Variants in ASIC2 observed in about 807,000 individuals in gnomAD.
ASIC2 encodes the protein acid sensing ion channel subunit 2.
A neutral mutation model predicts 57.3 loss-of-function variants in ASIC2; 25 were observed. That is an observed-to-expected ratio of 0.44 (90% confidence interval 0.32 to 0.61). The LOEUF is 0.61. Among genes scored for constraint, ASIC2 ranks in the 20% least tolerant of loss-of-function variants. The pLI, the probability that ASIC2 is intolerant of heterozygous loss-of-function variation, is 0.06. For synonymous variants in ASIC2, 319 were observed against 307.5 expected (o/e 1.04, Z -0.39); for missense variants, 641 against 738.1 (o/e 0.87, Z 1.52).
intron 1 of ASIC2, among the ~76,000 whole-genome samples, chr17:34,147,607 T>G (rs568238056): frequency 1.3e-5 from 2 of 152,188 alleles, no homozygotes; most frequent in African/African-American, 2.4e-5. Flanking sequence ...AAGCCCAGTC[T>G]GTATGGTTTT....
At chr17:33,094,004 G>A (rs940990902) in intron 2 of ASIC2, among the ~76,000 whole-genome samples, 1 of 152,164 alleles carries the variant, frequency 6.6e-6, no homozygotes, top group Non-Finnish European at 1.5e-5. Context: ...TAGCTTCAGA[G>A]GAGAGGGTGG....
intron 1 of ASIC2, among the ~76,000 whole-genome samples, chr17:33,970,310 C>T (rs554008045): frequency 2.0e-5 from 3 of 152,252 alleles, no homozygotes; most frequent in South Asian, 2.1e-4. Flanking sequence ...ATTCTCGAAG[C>T]CCAGGCAGCA....
intron 1 of ASIC2, among the ~76,000 whole-genome samples, chr17:33,174,491 T>C (rs1905660231): frequency 6.6e-6 from 1 of 152,066 alleles, no homozygotes; most frequent in African/African-American, 2.4e-5. Context: ...TCACTTACTC[T>C]GTGAGAGATG....
chr17:33,935,920 T>G (rs764298160), intron 1 of ASIC2: 1 of 152,196 alleles, frequency 6.6e-6, no homozygotes, highest in Non-Finnish European at 1.5e-5. Context: ...AAGCTCTGTC[T>G]CTAGGGAGGT....
At chr17:34,123,325 C>T (rs1041659517) in intron 1 of ASIC2, among the ~76,000 whole-genome samples, 6 of 152,172 alleles carry the variant, frequency 3.9e-5, no homozygotes, top group African/African-American at 1.4e-4. Flanking sequence ...CCACAGGAAC[C>T]CGCCCAACCC....
At chr17:33,654,014 G>C (rs1039521404) in intron 1 of ASIC2, among the ~76,000 whole-genome samples, 1 of 152,272 alleles carries the variant, frequency 6.6e-6, no homozygotes, top group Admixed American at 6.5e-5. Context: ...GCTGATCTCA[G>C]GTCCATCAAA....
At chr17:33,328,585 C>G (rs1217224492) in intron 1 of ASIC2, among the ~76,000 whole-genome samples, 2 of 152,180 alleles carry the variant, frequency 1.3e-5, no homozygotes, top group African/African-American at 4.8e-5. Context: ...ACAACCTCTT[C>G]AGGGGGTACA....
At chr17:33,196,987 G>T (rs1460216952) in intron 1 of ASIC2, among the ~76,000 whole-genome samples, 1 of 152,228 alleles carries the variant, frequency 6.6e-6, no homozygotes, top group Non-Finnish European at 1.5e-5. Flanking sequence ...ATGGGACAGG[G>T]AGAGGAAAGG....
chr17:33,875,976 C>T (rs374183), intron 1 of ASIC2, among the ~76,000 whole-genome samples: 41,496 of 151,866 alleles, frequency 0.27, 5,878 homozygotes, highest in Middle Eastern at 0.36. Flanking sequence ...AATTGTGCTA[C>T]TTTAAAAGAA....
chr17:33,578,879 G>A (rs943354736), intron 1 of ASIC2, among the ~76,000 whole-genome samples: 3 of 152,174 alleles, frequency 2.0e-5, no homozygotes, highest in East Asian at 1.9e-4. Context: ...AACAGTGACC[G>A]TGGTAAAACC....
chr17:33,786,563 C>A (rs1482112878), intron 1 of ASIC2, among the ~76,000 whole-genome samples: 1 of 152,166 alleles, frequency 6.6e-6, no homozygotes, highest in African/African-American at 2.4e-5. Flanking sequence ...TAAAGAATGG[C>A]TTTTTAAATT....
intron 1 of ASIC2, among the ~76,000 whole-genome samples, chr17:33,316,697 T>G (rs1273349120): frequency 1.3e-5 from 2 of 152,236 alleles, no homozygotes; most frequent in African/African-American, 4.8e-5. Flanking sequence ...GATAAAATTT[T>G]GAGGGCAAAG....
Position 33,909,269 on chromosome 17 carries a change from G to A in ASIC2, c.555+246709C>T, listed in dbSNP as rs371447685. 1.1e-4 allele frequency among the ~76,000 whole-genome samples: 16 copies of A among 152,276 alleles called. No individual in the cohort carries two copies. In the East Asian group the frequency reaches 1.2e-3, roughly 11 times the overall value. ...GGGATGTAAGGCATTATCCTCTCCC[G>A]TTGTTTCTAACAAAATAGCCCAGAA... On this transcript the variant is annotated intron_variant, in intron 1 of 9. Coordinates refer to the ASIC2 transcript ENST00000359872.
chr17:33,144,451 A>C (rs1904470324), intron 1 of ASIC2, among the ~76,000 whole-genome samples: 1 of 152,162 alleles, frequency 6.6e-6, no homozygotes, highest in Admixed American at 6.5e-5. Context: ...CCTGCTTCCA[A>C]GTCTTCCAAG....
chr17:33,547,325 T>C (rs893591859), intron 1 of ASIC2, among the ~76,000 whole-genome samples: 2 of 152,144 alleles, frequency 1.3e-5, no homozygotes, highest in Non-Finnish European at 1.5e-5. Flanking sequence ...AAACTTTTAG[T>C]GAGTTTGAGA....
At chr17:33,708,237 A>G (rs1045910780) in intron 1 of ASIC2, among the ~76,000 whole-genome samples, 1 of 152,246 alleles carries the variant, frequency 6.6e-6, no homozygotes, top group Admixed American at 6.5e-5. Flanking sequence ...AAGTGTTTAC[A>G]GAGTTCCAGA....
At chr17:33,331,391 C>A (rs1249182292) in intron 1 of ASIC2, among the ~76,000 whole-genome samples, 1 of 152,190 alleles carries the variant, frequency 6.6e-6, no homozygotes, top group Non-Finnish European at 1.5e-5. Context: ...TAAGGCTGCA[C>A]AGGCTTAATT....
intron 1 of ASIC2, among the ~76,000 whole-genome samples, chr17:33,888,551 G>A (rs1914885063): frequency 6.6e-6 from 1 of 152,116 alleles, no homozygotes. Flanking sequence ...GCATCAGGAA[G>A]GTGAAGACCA....
chr17:33,664,837 C>T (rs188291064), intron 1 of ASIC2, among the ~76,000 whole-genome samples: 136 of 152,222 alleles, frequency 8.9e-4, no homozygotes, highest in African/African-American at 3.2e-3. Context: ...CGCAAGAAAC[C>T]GTGAGCTGAA....
Sources: allele counts gnomAD v4.1 joint callset (sites outside exome capture counted in the v4.1 genomes callset), GRCh38; gene constraint gnomAD v4.1.1; transcripts MANE v1.5; gene names NCBI Gene and HGNC (gene_info 2026-07-23, HGNC 2026-07-21).